NBAS: variants seen among roughly 807,000 people sequenced by gnomAD.
The protein encoded by NBAS is NBAS subunit of NRZ tethering complex.
A neutral mutation model predicts 302.5 loss-of-function variants in NBAS; 219 were observed. The observed-to-expected ratio is 0.72, with a 90% confidence interval of 0.65 to 0.81. The LOEUF is 0.81. Among genes scored for constraint, NBAS ranks in the 30% least tolerant of loss-of-function variants. The pLI, the probability that NBAS is intolerant of heterozygous loss-of-function variation, is 0.00. For synonymous variants in NBAS, 1,118 were observed against 1,021.6 expected (o/e 1.09, Z -1.80); for missense variants, 2,932 against 2,841.6 (o/e 1.03, Z -0.72).
chr2:15,295,736 C>T (rs1321213963), intron 40 of NBAS, among the ~76,000 whole-genome samples: 3 of 152,166 alleles, frequency 2.0e-5, no homozygotes, highest in Non-Finnish European at 4.4e-5. Context: ...GAACACAGCA[C>T]AGTCTCTTGC....
In NBAS at chr2:15,275,561, A is replaced by T; in HGVS notation, c.5647T>A (p.Tyr1883Asn). ...TCACCTGGGTGGAGACGATCAAAGTACTTCATGCAGACATCATAGGCATGA... is the reference window on the plus strand; with the variant it reads ...TCACCTGGGTGGAGACGATCAAAGTTCTTCATGCAGACATCATAGGCATGA... The part of the protein sequence containing the change: ...WLHAYDVCMK[Y>N]FDRLHPGDLI... The change falls in exon 44 of 52, where the codon TAC becomes AAC. Residue 1883 changes from tyrosine to asparagine, a missense_variant. Transcript: ENST00000281513. The T allele has an allele frequency of 6.2e-7, 1 of 1,614,014 alleles. No homozygotes were observed. Among genetic ancestry groups the T allele is most frequent in the Non-Finnish European group, 8.5e-7 (1 of 1,179,988 alleles).
At chr2:15,232,374 T>A (rs768601071) in intron 47 of NBAS, 48 bp downstream of exon 47, 1 of 1,556,932 alleles carries the variant, frequency 6.4e-7, no homozygotes, top group South Asian at 1.1e-5. Context: ...ATTCTAATAC[T>A]CTGAGGAAAG....
intron 21 of NBAS, among the ~76,000 whole-genome samples, chr2:15,450,423 C>T (rs962816158): frequency 1.3e-5 from 2 of 152,138 alleles, no homozygotes; most frequent in African/African-American, 4.8e-5. Context: ...TCTTACCTTT[C>T]CAAGAAGGCT....
chr2:14,815,614 C>G, the NBAS span, among the ~76,000 whole-genome samples: 1 of 152,202 alleles, frequency 6.6e-6, no homozygotes, highest in African/African-American at 2.4e-5. Context: ...CCTTTCTCCT[C>G]CCAAATTCCA....
At chr2:14,905,825 C>T in the NBAS span, among the ~76,000 whole-genome samples, 2 of 152,264 alleles carry the variant, frequency 1.3e-5, no homozygotes, top group African/African-American at 4.8e-5. Context: ...ATGTAAATCC[C>T]ATCGAGGCTC....
chr2:15,216,864 C>G (rs565610501), intron 48 of NBAS, among the ~76,000 whole-genome samples: 3 of 152,190 alleles, frequency 2.0e-5, no homozygotes, highest in Non-Finnish European at 4.4e-5. Context: ...AAATCAGCCT[C>G]ATCATCCTGG....
chr2:15,503,489 G>T lies in NBAS; in HGVS notation c.954+656C>A, dbSNP rs555529903. Reference sequence around the variant, plus strand: ...TTCCTCCAAGACAGGAGTATGATTTGATTCCCCCACAAGACAAAAGTATGA... The same window carrying T: ...TTCCTCCAAGACAGGAGTATGATTTTATTCCCCCACAAGACAAAAGTATGA... On this transcript the variant is annotated intron_variant, in intron 11 of 51. Coordinates refer to ENST00000281513, the MANE Select transcript of NBAS (RefSeq NM_015909.4). 6.6e-5 allele frequency among the ~76,000 whole-genome samples: 10 copies of T among 152,276 alleles called. No homozygotes were observed. The East Asian group carries it at 1.5e-3, about 24-fold the overall frequency.
the NBAS span, among the ~76,000 whole-genome samples, chr2:14,885,344 T>C: frequency 6.6e-6 from 1 of 152,174 alleles, no homozygotes; most frequent in Non-Finnish European, 1.5e-5. Flanking sequence ...AATCAAGGAT[T>C]ACACCAACAC....
chr2:15,349,186 A>G (rs1673235109), intron 35 of NBAS, among the ~76,000 whole-genome samples: 2 of 152,214 alleles, frequency 1.3e-5, no homozygotes, highest in Admixed American at 1.3e-4. Context: ...AGGAGATGTG[A>G]CTGGACAAGT....
the NBAS span, among the ~76,000 whole-genome samples, chr2:14,789,042 G>A: frequency 8.5e-5 from 13 of 152,328 alleles, no homozygotes; most frequent in South Asian, 4.1e-4. Context: ...AATGGCGGGC[G>A]CCCCTCCCCC....
intron 19 of NBAS, among the ~76,000 whole-genome samples, chr2:15,466,966 C>T (rs527281729): frequency 4.3e-4 from 62 of 145,488 alleles, no homozygotes; most frequent in Non-Finnish European, 7.3e-4. Context: ...TAAAATAAAA[C>T]GAGTCAGAAA....
At chr2:15,340,185 G>A (rs541293644) in intron 35 of NBAS, among the ~76,000 whole-genome samples, 38 of 152,262 alleles carry the variant, frequency 2.5e-4, no homozygotes, top group African/African-American at 8.9e-4. Context: ...AGCAAAAGCA[G>A]AAGCACGGAG....
chr2:14,848,859 G>A, the NBAS span, among the ~76,000 whole-genome samples: 1 of 151,104 alleles, frequency 6.6e-6, no homozygotes, highest in Non-Finnish European at 1.5e-5. Context: ...ACCTGCAGCT[G>A]AGGGTCCTGT....
the NBAS span, among the ~76,000 whole-genome samples, chr2:14,894,578 G>A: frequency 6.6e-6 from 1 of 151,944 alleles, no homozygotes. Flanking sequence ...TGACTCCTCT[G>A]TGAGCAATGT....
At chr2:14,973,553 C>T in the NBAS span, among the ~76,000 whole-genome samples, 1 of 152,146 alleles carries the variant, frequency 6.6e-6, no homozygotes, top group South Asian at 2.1e-4. Flanking sequence ...CCAAGGCTTT[C>T]ACAGCATTGC....
At chr2:15,238,405 T>C in intron 45 of NBAS, 63 bp downstream of exon 45, 1 of 1,525,600 alleles carries the variant, frequency 6.6e-7, no homozygotes. Flanking sequence ...AATGTAACTT[T>C]CAAGGAAAAA....
intron 22 of NBAS, among the ~76,000 whole-genome samples, 197 bp from the exon 23 acceptor site, chr2:15,424,665 TCCC>T (rs1422359403): frequency 1.3e-5 from 2 of 152,080 alleles, no homozygotes; most frequent in African/African-American, 4.8e-5. Context: ...TAATTTATTT[TCCC>T]CCCGTTTTCC....
the NBAS span, among the ~76,000 whole-genome samples, chr2:14,934,713 C>G: frequency 6.6e-6 from 1 of 152,074 alleles, no homozygotes; most frequent in African/African-American, 2.4e-5. Context: ...AGTAATTTTT[C>G]TCATATAGAA....
At chr2:15,003,628 G>C in the NBAS span, among the ~76,000 whole-genome samples, 1 of 152,200 alleles carries the variant, frequency 6.6e-6, no homozygotes, top group East Asian at 1.9e-4. Context: ...GTAGCTCCTT[G>C]AGAGTGAGGG....
Sources: allele counts gnomAD v4.1 joint callset (sites outside exome capture counted in the v4.1 genomes callset), GRCh38; gene constraint gnomAD v4.1.1; transcripts MANE v1.5; gene names NCBI Gene and HGNC (gene_info 2026-07-23, HGNC 2026-07-21).